Variants in LARP1 observed in about 807,000 individuals in gnomAD.
LARP1 encodes the protein La ribonucleoprotein 1, translational regulator, also known as la-related protein 1.
Under a neutral mutation model 122.7 loss-of-function variants are expected in LARP1, and 36 were observed. That is an observed-to-expected ratio of 0.29 (90% CI 0.22 to 0.39). The LOEUF is 0.39. LARP1 is among the 10% of genes least tolerant of loss of function. The pLI is 1.00. For synonymous variants in LARP1, 539 were observed against 528.7 expected (o/e 1.02, Z -0.27); for missense variants, 1,040 against 1,403.6 (o/e 0.74, Z 4.14).
At chr5:154,704,419 G>T (rs947642457) in intron 1 of LARP1, among the ~76,000 whole-genome samples, 11 of 152,002 alleles carry the variant, frequency 7.2e-5, no homozygotes, top group Non-Finnish European at 1.5e-4. Flanking sequence ...GGCCAAGGTG[G>T]GTGGACCACT....
intron 1 of LARP1, among the ~76,000 whole-genome samples, chr5:154,770,587 G>A (rs1014977031): frequency 5.9e-5 from 9 of 152,168 alleles, no homozygotes; most frequent in African/African-American, 2.2e-4. Flanking sequence ...GGTTGGGAGG[G>A]CAGTCCAGGA....
intron 1 of LARP1, among the ~76,000 whole-genome samples, chr5:154,690,673 A>G (rs1034421236): frequency 1.3e-5 from 2 of 152,114 alleles, no homozygotes; most frequent in Non-Finnish European, 2.9e-5. Flanking sequence ...TTGTACCCCC[A>G]GCTGCGGAGA....
intron 10 of LARP1, among the ~76,000 whole-genome samples, chr5:154,801,577 GA>G (rs761085995): frequency 3.3e-5 from 5 of 152,330 alleles, no homozygotes; most frequent in South Asian, 2.1e-4. Context: ...TCTAGGTACT[GA>G]GTATATAATG....
chr5:154,714,933 A>G (rs1755409084), intron 1 of LARP1, among the ~76,000 whole-genome samples: 1 of 152,130 alleles, frequency 6.6e-6, no homozygotes, highest in Admixed American at 6.5e-5. Flanking sequence ...TAATCCTAGC[A>G]CTTTGGGAGG....
Position 154,805,852 on chromosome 5 carries a change from GGTGACAGTA to G in LARP1, c.2547-28_2547-20del. On this transcript the variant is annotated intron_variant, in intron 14 of 18. Coordinates refer to ENST00000518297, the MANE Select transcript of LARP1 (RefSeq NM_033551.3). ...ATGGTGGGGCTGCTGTGGGGAACCT[GGTGACAGTA>G]TTTTTTGTGGTTTCTGTAGCTCCAG... 6.2e-7 allele frequency: 1 copy of G among 1,607,666 alleles called. No individual in the cohort carries two copies. Among genetic ancestry groups the G allele is most frequent in the Non-Finnish European group, 8.5e-7 (1 of 1,177,286 alleles).
chr5:154,760,126 C>T (rs879826241), intron 1 of LARP1, among the ~76,000 whole-genome samples: 25 of 152,012 alleles, frequency 1.6e-4, no homozygotes, highest in South Asian at 1.2e-3. Context: ...TTTAGTAGAA[C>T]GGGGTTTCTC....
At chr5:154,707,856 T>A (rs1167156122), upstream of LARP1, among the ~76,000 whole-genome samples, 3 of 152,184 alleles carry the variant, frequency 2.0e-5, no homozygotes, top group African/African-American at 7.2e-5. Context: ...TTCACAAGGA[T>A]ATGCTGTTGG....
At chr5:154,758,969 T>G (rs867998248) in intron 1 of LARP1, among the ~76,000 whole-genome samples, 1 of 152,222 alleles carries the variant, frequency 6.6e-6, no homozygotes, top group Non-Finnish European at 1.5e-5. Flanking sequence ...TTTAAATGTT[T>G]AAAATTTTTG....
At chr5:154,737,252 G>A (rs920529264) in intron 1 of LARP1, among the ~76,000 whole-genome samples, 27 of 150,658 alleles carry the variant, frequency 1.8e-4, no homozygotes, top group African/African-American at 5.4e-4. Flanking sequence ...TGTTGGCCAG[G>A]ATGGTCTCAA....
In LARP1 at chr5:154,700,107, G is replaced by A. The variant is rs1206492343; in HGVS notation, c.-180+17070G>A. Among the ~76,000 whole-genome samples the A allele has an allele frequency of 3.9e-5, 6 of 152,158 alleles. No homozygotes were observed. The East Asian group carries it at 1.2e-3, about 29-fold the overall frequency. On this transcript the variant is annotated intron_variant, in intron 1 of 18. Transcript: ENST00000687700. ...CTAGGGTGAGGGGAATGAGGTAACT[G>A]CCTCAGGCACAAAATTTTGACAGGT...
intron 1 of LARP1, chr5:154,786,505 T>C (rs965391468): frequency 4.4e-6 from 2 of 455,808 alleles, no homozygotes; most frequent in African/African-American, 4.0e-5. Context: ...TTGCCTTAGT[T>C]GAGGAAGAAG....
At chr5:154,811,082 A>T (rs947430246) in intron 16 of LARP1, among the ~76,000 whole-genome samples, 165 bp from the exon 17 acceptor site, 3 of 152,210 alleles carry the variant, frequency 2.0e-5, no homozygotes, top group African/African-American at 7.2e-5. Context: ...TGAACATTTT[A>T]TGCTGGACCC....
chr5:154,811,470 C>T, intron 17 of LARP1, 43 bp from the exon 18 acceptor site: 1 of 1,613,866 alleles, frequency 6.2e-7, no homozygotes, highest in East Asian at 2.2e-5. Flanking sequence ...CTCTGAGCTT[C>T]TTTATCCTCA....
intron 16 of LARP1, among the ~76,000 whole-genome samples, chr5:154,810,937 G>A (rs1401146011): frequency 6.6e-6 from 1 of 152,156 alleles, no homozygotes; most frequent in Non-Finnish European, 1.5e-5. Flanking sequence ...TTGGCCATAA[G>A]GTGTTTGTCG....
chr5:154,712,957 C>T (rs1477945975), exon 1 of LARP1: 2 of 1,614,194 alleles, frequency 1.2e-6, no homozygotes, highest in Admixed American at 1.7e-5. Context: ...TCAAAGAGGC[C>T]TCCTTTCCCT....
In LARP1 at chr5:154,804,227, C is replaced by T. The variant is rs1336927433; in HGVS notation, c.2466C>T (p.His822=). The change falls in exon 14 of 19, where the codon CAC becomes CAT. Residue 822 remains histidine, a synonymous_variant. Coordinates refer to ENST00000518297, the MANE Select transcript of LARP1 (RefSeq NM_033551.3). The part of the protein sequence containing the change: ...AKMPRKRKTR[H]SSNPPLESHV... ...TGCCTCGAAAAAGAAAGACAAGACA[C>T]AGTTCAAACCCACCCTTGGAGAGCC... The T allele has an allele frequency of 6.2e-7, 1 of 1,614,170 alleles. No homozygotes were observed. Among genetic ancestry groups the T allele is most frequent in the Non-Finnish European group, 8.5e-7 (1 of 1,180,016 alleles).
intron 16 of LARP1, among the ~76,000 whole-genome samples, chr5:154,809,507 T>C (rs1027231970): frequency 6.6e-6 from 1 of 152,108 alleles, no homozygotes; most frequent in Non-Finnish European, 1.5e-5. Context: ...TTAATGTATT[T>C]AGCTCATCCT....
At chr5:154,691,176 G>A (rs939817821) in intron 1 of LARP1, among the ~76,000 whole-genome samples, 28 of 151,686 alleles carry the variant, frequency 1.8e-4, no homozygotes, top group African/African-American at 6.5e-4. Flanking sequence ...GCAGGAGAAT[G>A]GCGTGAACCC....
chr5:154,756,643 G>C, intron 1 of LARP1: 1 of 353,394 alleles, frequency 2.8e-6, no homozygotes, highest in Non-Finnish European at 4.0e-6. Context: ...ATGAGCATAT[G>C]TCACGGGCAA....
Sources: gnomAD v4.1 joint callset for allele counts (sites outside exome capture counted in the v4.1 genomes callset) on GRCh38, gnomAD v4.1.1 for gene constraint, MANE v1.5 for transcripts, NCBI Gene and HGNC (gene_info 2026-07-23, HGNC 2026-07-21) for gene names.